BLTP2: variants seen among roughly 807,000 people sequenced by gnomAD.
BLTP2 encodes bridge-like lipid transfer protein family member 2, also known as U937-associated antigen.
the BLTP2 span, chr17:28,637,312 T>G: frequency 3.3e-5 from 23 of 698,316 alleles, no homozygotes; most frequent in Admixed American, 1.3e-4. Context: ...TTAAGTAAAC[T>G]TTCCCTTTCC....
the BLTP2 span, chr17:28,631,397 G>A: frequency 1.6e-6 from 2 of 1,287,694 alleles, no homozygotes; most frequent in Non-Finnish European, 2.2e-6. Flanking sequence ...CCCAGTCTCT[G>A]GTATTTTGTT....
the BLTP2 span, among the ~76,000 whole-genome samples, chr17:28,641,458 G>T: frequency 6.6e-6 from 1 of 151,872 alleles, no homozygotes; most frequent in African/African-American, 2.4e-5. Flanking sequence ...TGGCTAACAC[G>T]GCGAAATCCC....
the BLTP2 span, chr17:28,616,172 A>G: frequency 6.2e-7 from 1 of 1,614,100 alleles, no homozygotes; most frequent in Non-Finnish European, 8.5e-7. This position sits in a 1 kb window ranked among gnomAD's most constrained non-coding sequence, Gnocchi z 4.8. Flanking sequence ...TCGCTCTTTC[A>G]TCTTGTCAAT....
the BLTP2 span, among the ~76,000 whole-genome samples, chr17:28,620,806 C>T: frequency 1.4e-5 from 2 of 147,920 alleles, no homozygotes; most frequent in African/African-American, 2.7e-5. Flanking sequence ...TTCATCCCAG[C>T]TCCCTCCAAG....
chr17:28,627,863 G>A, the BLTP2 span, among the ~76,000 whole-genome samples: 1 of 151,974 alleles, frequency 6.6e-6, no homozygotes, highest in Non-Finnish European at 1.5e-5. Context: ...GTTTTGCCAT[G>A]TTGGCCAGGC....
At chr17:28,626,897 G>C in the BLTP2 span, among the ~76,000 whole-genome samples, 1 of 152,186 alleles carries the variant, frequency 6.6e-6, no homozygotes, top group Non-Finnish European at 1.5e-5. Context: ...CCCAAGGAGG[G>C]GGTTGTGGGA....
chr17:28,639,640 C>A, the BLTP2 span: 3 of 1,613,948 alleles, frequency 1.9e-6, no homozygotes, highest in Non-Finnish European at 2.5e-6. Flanking sequence ...AACAACAACC[C>A]ATCTGTAAGA....
At chr17:28,635,370 C>G in the BLTP2 span, 1 of 1,614,222 alleles carries the variant, frequency 6.2e-7, no homozygotes, top group Non-Finnish European at 8.5e-7. Context: ...AAGCTGTGAG[C>G]TTGGCTGTGC....
chr17:28,620,600 T>G, the BLTP2 span: 1 of 1,614,126 alleles, frequency 6.2e-7, no homozygotes, highest in Non-Finnish European at 8.5e-7. Context: ...TTCCAGCTCA[T>G]GGTGGATAAG....
At chr17:28,615,546 C>T in the BLTP2 span, 1 of 1,300,096 alleles carries the variant, frequency 7.7e-7, no homozygotes, top group Non-Finnish European at 1.1e-6. Context: ...CCACTCACTT[C>T]ATGCACCTGC....
the BLTP2 span, among the ~76,000 whole-genome samples, chr17:28,641,658 GA>G: frequency 0.017 from 2,327 of 138,412 alleles, 51 homozygotes; most frequent in African/African-American, 0.055. Flanking sequence ...AAAAAAAAAG[GA>G]AAAAAAAAAA....
chr17:28,628,433 C>A, the BLTP2 span: 3 of 1,614,070 alleles, frequency 1.9e-6, no homozygotes, highest in Non-Finnish European at 2.5e-6. Flanking sequence ...AGTACAGCTG[C>A]CTTTTTGTAC....
the BLTP2 span, among the ~76,000 whole-genome samples, chr17:28,636,508 C>A: frequency 6.6e-6 from 1 of 152,138 alleles, no homozygotes. Context: ...ATGTCTGATA[C>A]GTACTTACCT....
At chr17:28,643,957 A>G in the BLTP2 span, 2 of 1,427,828 alleles carry the variant, frequency 1.4e-6, no homozygotes, top group Non-Finnish European at 9.5e-7. Flanking sequence ...GGGATTAACT[A>G]GAAAAGCCAC....
At chr17:28,642,625 T>C in the BLTP2 span, 1 of 558,178 alleles carries the variant, frequency 1.8e-6, no homozygotes, top group Non-Finnish European at 3.2e-6. Flanking sequence ...CACTCCAGCC[T>C]AGGCAACAGA....
chr17:28,632,856 T>A, the BLTP2 span: 4 of 992,688 alleles, frequency 4.0e-6, no homozygotes, highest in African/African-American at 1.7e-5. Flanking sequence ...TCCCCTCCCC[T>A]CCCCAGAGGG....
chr17:28,626,693 G>A, the BLTP2 span, among the ~76,000 whole-genome samples: 1 of 152,244 alleles, frequency 6.6e-6, no homozygotes, highest in Admixed American at 6.5e-5. Flanking sequence ...GGTTTGGAGA[G>A]CTTCTGGATA....
the BLTP2 span, chr17:28,632,896 GTCCTCCCAAGCCCT>G: frequency 7.3e-7 from 1 of 1,374,318 alleles, no homozygotes; most frequent in East Asian, 2.5e-5. Context: ...ATCCATGCCC[GTCCTCCCAAGCCCT>G]TCCTCCCCAC....
At chr17:28,623,447 T>C in the BLTP2 span, among the ~76,000 whole-genome samples, 1 of 152,234 alleles carries the variant, frequency 6.6e-6, no homozygotes, top group Non-Finnish European at 1.5e-5. Context: ...TCTCAGTCAC[T>C]GCCTGTTTTC....
Sources: gnomAD v4.1 joint callset for allele counts (sites outside exome capture counted in the v4.1 genomes callset) on GRCh38, gnomAD v4.1.1 for gene constraint, Gnocchi (gnomAD v3.1) non-coding constraint, MANE v1.5 for transcripts, NCBI Gene and HGNC (gene_info 2026-07-23, HGNC 2026-07-21) for gene names.